The following SYDE2 variants were observed in gnomAD, a reference collection of about 807,000 sequenced individuals.
SYDE2 encodes the protein rho GTPase-activating protein SYDE2.
SYDE2 carries 76 observed loss-of-function variants against 91.5 expected under a neutral mutation model. The ratio of observed to expected loss-of-function variants is 0.83; its 90% CI spans 0.69 to 1.01. SYDE2 has a LOEUF of 1.01. SYDE2 is among the 50% of genes least tolerant of loss of function. The pLI is 0.00. For missense variants in SYDE2, 1,364 were observed against 1,367.7 expected (o/e 1.00, Z 0.04); for synonymous variants, 513 against 506.4 (o/e 1.01, Z -0.18).
intron 2 of SYDE2, among the ~76,000 whole-genome samples, chr1:85,188,371 C>A (rs1028510538): frequency 3.9e-5 from 6 of 152,102 alleles, no homozygotes; most frequent in Non-Finnish European, 5.9e-5. Context: ...AATAAAAAAA[C>A]ACAACATTTC....
rs1658317906 is a variant in SYDE2, at chr1:85,190,364, A to G, written c.1134T>C (p.Asp378=). The part of the protein sequence containing the change: ...GEIWYNPIPE[D]DDLGISSALS... The stretch of plus-strand genomic sequence containing the variant: ...AGGCACTTGATATACCAAGGTCATC[A>G]TCCTCAGGAATGGGATTGTACCATA... The change falls in exon 2 of 7, where the codon GAT becomes GAC. Residue 378 remains aspartate (D), a synonymous_variant. Transcript: ENST00000341460. 2 of 1,613,944 alleles carry G rather than the reference A, an allele frequency of 1.2e-6. No individual in the cohort carries two copies. Among genetic ancestry groups the G allele is most frequent in the East Asian group, 4.5e-5 (2 of 44,892 alleles).
At chr1:85,169,786 A>C (rs1381711020) in intron 4 of SYDE2, among the ~76,000 whole-genome samples, 1 of 152,186 alleles carries the variant, frequency 6.6e-6, no homozygotes. Context: ...AATCATTCCT[A>C]AAACCAAACA....
rs1053538117 is a variant in SYDE2 at position 85,194,971 on chromosome 1, T to C, written c.746-4219A>G. On this transcript the variant is annotated intron_variant, in intron 1 of 6. Transcript: ENST00000341460. Reference sequence around the variant, plus strand: ...GTCAGGAGATCGAGACCATCCTGGCTAACACGGTGAAACCCTGTCTCTACT... The same window carrying C: ...GTCAGGAGATCGAGACCATCCTGGCCAACACGGTGAAACCCTGTCTCTACT... 1.8e-5 allele frequency: 5 copies of C among 270,488 alleles called. No homozygotes were observed. In the South Asian group the frequency reaches 4.3e-4, roughly 23 times the overall value. 16.8% of individuals were successfully genotyped at this position (270,488 alleles called of 1,614,324 possible).
chr1:85,180,344 A>C (rs1036925357), intron 3 of SYDE2, among the ~76,000 whole-genome samples: 27 of 152,008 alleles, frequency 1.8e-4, no homozygotes, highest in Non-Finnish European at 3.2e-4. Flanking sequence ...GGAAGAGGGG[A>C]GGGCAAGTGA....
chr1:85,187,086 A>T (rs1306244676), intron 2 of SYDE2, among the ~76,000 whole-genome samples: 1 of 152,010 alleles, frequency 6.6e-6, no homozygotes, highest in Non-Finnish European at 1.5e-5. Flanking sequence ...GCAACCTACA[A>T]AATGGGAGAA....
Position 85,169,029 on chromosome 1 carries a change from A to T in SYDE2, c.2853+15T>A. On this transcript the variant is annotated intron_variant, in intron 5 of 6. Coordinates refer to ENST00000341460, the MANE Select transcript of SYDE2 (RefSeq NM_032184.2). Reference sequence around the variant, plus strand: ...TAACTGGCTTTCAGGAAAAATGTATACTGGTAATGCTTACCTTCTCAATCT... The same window carrying T: ...TAACTGGCTTTCAGGAAAAATGTATTCTGGTAATGCTTACCTTCTCAATCT... The T allele has an allele frequency of 6.2e-7, 1 of 1,612,028 alleles. No individual in the cohort carries two copies.
intron 2 of SYDE2, among the ~76,000 whole-genome samples, chr1:85,188,120 C>T (rs542180326): frequency 3.3e-5 from 5 of 152,264 alleles, no homozygotes; most frequent in African/African-American, 1.2e-4. Flanking sequence ...CTTACACTCT[C>T]TTGCCTTCTC....
downstream of SYDE2, chr1:85,153,056 G>A (rs187788704): frequency 1.6e-4 from 24 of 152,288 alleles, no homozygotes; most frequent in African/African-American, 5.3e-4. Flanking sequence ...GCAGAGAAGC[G>A]AATGACAAAA....
In SYDE2 at chr1:85,159,068, T is replaced by G; in HGVS notation, c.3267A>C (p.Ala1089=). ...RLDSPLSNRY[A]GDWSSCGENY... ...TTTCCCCACAGCTGCTCCAGTCTCC[T>G]GCATAACGATTGCTAAGTGGACTGT... Residue 1089 remains alanine, a synonymous_variant, in exon 7 of 7, where the codon GCA becomes GCC. Coordinates refer to ENST00000341460, the MANE Select transcript of SYDE2 (RefSeq NM_032184.2). 1.3e-6 allele frequency: 1 copy of G among 780,920 alleles called. No individual in the cohort carries two copies. 48.4% of individuals were successfully genotyped at this position (780,920 alleles called of 1,614,324 possible).
chr1:85,178,957 A>G (rs1657812962), intron 3 of SYDE2, among the ~76,000 whole-genome samples: 2 of 152,094 alleles, frequency 1.3e-5, no homozygotes, highest in African/African-American at 4.8e-5. Context: ...ACCAACCTAC[A>G]TTGAAAAGAT....
intron 2 of SYDE2, among the ~76,000 whole-genome samples, chr1:85,189,182 T>C (rs1025187148): frequency 6.6e-6 from 1 of 152,208 alleles, no homozygotes; most frequent in Admixed American, 6.5e-5. Context: ...CCATAACTAC[T>C]GTAGCACTTA....
At position 85,182,442 on chromosome 1, in the gene SYDE2, T is replaced by C. The variant is rs763039640; in HGVS notation, c.2200A>G (p.Ile734Val). ...TFLDMDHTFN[I>V]EIENAQHLKL... ...AAATGTTGTGCATTTTCAATTTCTA[T>C]GTTGAAAGTGTGATCCATGTCTAAA... Residue 734 changes from isoleucine to valine, a missense_variant, in exon 3 of 7, where the codon ATA becomes GTA. Coordinates refer to ENST00000341460, the MANE Select transcript of SYDE2 (RefSeq NM_032184.2). 4 of 1,613,612 alleles carry C rather than the reference T, an allele frequency of 2.5e-6. No homozygotes were observed. Among genetic ancestry groups the C allele is most frequent in the South Asian group, 2.2e-5 (2 of 91,050 alleles).
At position 85,163,944 on chromosome 1, in the gene SYDE2, A is replaced by C. The variant is rs141222504; in HGVS notation, c.3085+582T>G. Among the ~76,000 whole-genome samples, 747 of 152,324 alleles carry C rather than the reference A, an allele frequency of 4.9e-3. 2 individuals carry two copies. Among genetic ancestry groups the C allele is most frequent in the Non-Finnish European group, 6.7e-3 (459 of 68,032 alleles). On this transcript the variant is annotated intron_variant, in intron 6 of 6. Transcript: ENST00000341460. ...TGATTGAAATAAGGATTGGATAAGA[A>C]AGATGGAAAGGTCAAGGGTAATTCC...
intron 4 of SYDE2, among the ~76,000 whole-genome samples, chr1:85,169,863 A>G (rs1358665309): frequency 6.6e-6 from 1 of 152,208 alleles, no homozygotes; most frequent in African/African-American, 2.4e-5. Flanking sequence ...AGGAAAGTCA[A>G]TTGCAAACAT....
downstream of SYDE2, among the ~76,000 whole-genome samples, chr1:85,155,009 C>CAAAAAAAAAAAAAAAAAAAAAGAAAAAAA: frequency 1.2e-5 from 1 of 80,676 alleles, no homozygotes; most frequent in Admixed American, 1.2e-4. Flanking sequence ...AAGAATGCAG[C>CAAAAAAAAAAAAAAAAAAAAAGAAAAAAA]AAAAAAAAAA....
intron 1 of SYDE2, 132 bp downstream of exon 1, chr1:85,200,120 A>C: frequency 1.3e-6 from 2 of 1,519,636 alleles, no homozygotes; most frequent in Non-Finnish European, 1.8e-6. Context: ...GCTGCCACTT[A>C]CATGACACTT....
chr1:85,167,447 C>A (rs1657328505), intron 5 of SYDE2, among the ~76,000 whole-genome samples: 1 of 152,160 alleles, frequency 6.6e-6, no homozygotes, highest in South Asian at 2.1e-4. Flanking sequence ...TGGTATATCA[C>A]ACAGTTATTG....
intron 4 of SYDE2, 81 bp from the exon 5 acceptor site, chr1:85,169,306 A>C: frequency 1.9e-6 from 2 of 1,080,078 alleles, no homozygotes; most frequent in Admixed American, 2.6e-5. Context: ...TTAAAATTTA[A>C]GTATTATAGC....
intron 1 of SYDE2, among the ~76,000 whole-genome samples, chr1:85,192,979 A>G (rs987758696): frequency 6.6e-6 from 1 of 152,200 alleles, no homozygotes; most frequent in Admixed American, 6.5e-5. Flanking sequence ...AAAATACTTG[A>G]AAAACTATTA....
Sources: gnomAD v4.1 joint callset for allele counts (sites outside exome capture counted in the v4.1 genomes callset) on GRCh38, gnomAD v4.1.1 for gene constraint, MANE v1.5 for transcripts, NCBI Gene and HGNC (gene_info 2026-07-23, HGNC 2026-07-21) for gene names.